Variants in PCLO observed in about 807,000 individuals in gnomAD.
PCLO encodes protein piccolo.
In PCLO, 82 loss-of-function variants were observed where a neutral mutation model predicts 427.5. The ratio of observed to expected loss-of-function variants is 0.19; its 90% CI spans 0.16 to 0.23. The LOEUF (loss-of-function observed/expected upper bound fraction) is 0.23, where lower values mean the gene tolerates loss of function less well. Ranked by LOEUF, PCLO falls within the 10% of genes least tolerant of loss-of-function variation. The pLI, the probability that PCLO is intolerant of heterozygous loss-of-function variation, is 1.00. For missense variants in PCLO, 6,239 were observed against 6,115.9 expected (o/e 1.02, Z -0.67); for synonymous variants, 2,357 against 2,155.4 (o/e 1.09, Z -2.59).
At chr7:83,032,658 C>T (rs1391751429) in intron 3 of PCLO, among the ~76,000 whole-genome samples, 1 of 151,990 alleles carries the variant, frequency 6.6e-6, no homozygotes. Flanking sequence ...TTTTGATTAC[C>T]ATGCCCACAA....
At chr7:82,958,871 T>A (rs1260934644) in intron 4 of PCLO, among the ~76,000 whole-genome samples, 2 of 152,128 alleles carry the variant, frequency 1.3e-5, no homozygotes, top group Non-Finnish European at 2.9e-5. Context: ...CCAGAGCACA[T>A]TTTTTGGAAT....
chr7:82,950,778 C>T lies in PCLO; in HGVS notation c.9810G>A (p.Gln3270=), dbSNP rs1402089564. Residue 3270 remains glutamine (Q), a synonymous_variant, in exon 6 of 25, where the codon CAG becomes CAA. Transcript: ENST00000333891. ...ACTGGGCTTGCCGCTCTTCTTCTTG[C>T]TGAAAGAGAAGGTGTTGCTTCATAG... is the stretch of plus-strand genomic sequence containing the variant. ...LQSMKQHLLF[Q]QEEERQAQFM... The T allele has an allele frequency of 1.2e-6, 2 of 1,613,792 alleles. No individual in the cohort carries two copies. Among genetic ancestry groups the T allele is most frequent in the East Asian group, 4.5e-5 (2 of 44,844 alleles).
chr7:82,948,972 G>T (rs1795266763), intron 6 of PCLO, among the ~76,000 whole-genome samples: 2 of 152,022 alleles, frequency 1.3e-5, no homozygotes, highest in Admixed American at 1.3e-4. Flanking sequence ...AAACATTCTG[G>T]CTGGAAGAAG....
intron 12 of PCLO, 132 bp downstream of exon 12, chr7:82,846,434 AT>A: frequency 1.6e-6 from 1 of 624,874 alleles, no homozygotes; most frequent in Admixed American, 3.4e-5. Flanking sequence ...ACATAAAAAA[AT>A]CTATCCATAA....
At chr7:82,960,701 T>C (rs750616907) in intron 4 of PCLO, among the ~76,000 whole-genome samples, 4 of 152,098 alleles carry the variant, frequency 2.6e-5, no homozygotes, top group Admixed American at 6.6e-5. Flanking sequence ...TTTTGAAAGA[T>C]AGGAATGAAT....
At position 83,130,130 on chromosome 7, in the gene PCLO, T is replaced by TTTG. The variant is rs57722657; in HGVS notation, c.3300+4117_3300+4119dup. On this transcript the variant is annotated intron_variant, in intron 3 of 24. Coordinates refer to ENST00000333891, the MANE Select transcript of PCLO (RefSeq NM_033026.6). ...AATTAATGTAGATGTCCATTATGTT[T>TTTG]TTGTTGTTGTTGTTGTTGTTGTTGT... 7.9e-3 allele frequency among the ~76,000 whole-genome samples: 1,190 copies of TTTG among 151,322 alleles called. 15 individuals are homozygous for TTTG. Among genetic ancestry groups the TTTG allele is most frequent in the African/African-American group, 0.025 (1,039 of 41,318 alleles).
At chr7:82,803,219 A>T (rs1791394761) in intron 21 of PCLO, among the ~76,000 whole-genome samples, 1 of 152,124 alleles carries the variant, frequency 6.6e-6, no homozygotes, top group Admixed American at 6.5e-5. Context: ...TACTTTTATC[A>T]GTACGCTACA....
chr7:82,895,210 T>C (rs1450904126), intron 9 of PCLO, among the ~76,000 whole-genome samples: 2 of 151,834 alleles, frequency 1.3e-5, no homozygotes, highest in Non-Finnish European at 2.9e-5. Flanking sequence ...CATTAGGGAA[T>C]GTAAAAACAT....
chr7:83,072,373 T>G (rs551296831), intron 3 of PCLO, among the ~76,000 whole-genome samples: 1 of 152,236 alleles, frequency 6.6e-6, no homozygotes, highest in Non-Finnish European at 1.5e-5. Context: ...CCTTTTTTAT[T>G]TAAAAAATAA....
chr7:83,018,595 T>C (rs1241584019), intron 3 of PCLO, among the ~76,000 whole-genome samples: 1 of 152,012 alleles, frequency 6.6e-6, no homozygotes, highest in Admixed American at 6.6e-5. Flanking sequence ...TATATTAAAA[T>C]CATTATAAAC....
chr7:82,983,071 A>G (rs1442019670), intron 3 of PCLO, among the ~76,000 whole-genome samples: 1 of 151,764 alleles, frequency 6.6e-6, no homozygotes, highest in African/African-American at 2.4e-5. Flanking sequence ...AGCAGTCTAT[A>G]AATTTAAGAT....
rs375126833 is a variant in PCLO, at chr7:83,052,642, G to A, written c.3300+81608C>T. Among the ~76,000 whole-genome samples the A allele has an allele frequency of 3.3e-5, 5 of 152,072 alleles. No individual in the cohort carries two copies. In the South Asian group the frequency reaches 8.3e-4, roughly 25 times the overall value. On this transcript the variant is annotated intron_variant, in intron 3 of 24. Coordinates refer to ENST00000333891, the MANE Select transcript of PCLO (RefSeq NM_033026.6). ...AATCAAAAATCAACAAGCCCCCAAA[G>A]TAAATTATCTTTACTCCTCTGCTTT...
intron 3 of PCLO, among the ~76,000 whole-genome samples, chr7:82,997,589 A>G (rs941665559): frequency 4.6e-5 from 7 of 151,942 alleles, no homozygotes; most frequent in African/African-American, 1.7e-4. Flanking sequence ...TTGCATAAAC[A>G]AAAATTTTCA....
chr7:82,966,568 G>T, intron 3 of PCLO, 81 bp from the exon 4 acceptor site: 1 of 857,150 alleles, frequency 1.2e-6, no homozygotes, highest in Non-Finnish European at 1.7e-6. Context: ...GTGAAAATTT[G>T]GCAATTCCTA....
chr7:83,131,160 A>G (rs555434642), intron 3 of PCLO, among the ~76,000 whole-genome samples: 59 of 152,302 alleles, frequency 3.9e-4, no homozygotes, highest in Non-Finnish European at 6.6e-4. Context: ...ACTCTTTCCA[A>G]TACAAGGTAT....
intron 22 of PCLO, among the ~76,000 whole-genome samples, chr7:82,771,551 C>T (rs1283778197): frequency 1.3e-5 from 2 of 152,104 alleles, no homozygotes; most frequent in East Asian, 1.9e-4. Context: ...ATGTAAACTT[C>T]TGTCATTATA....
At chr7:82,961,421 TG>T (rs1795653370) in intron 4 of PCLO, among the ~76,000 whole-genome samples, 1 of 152,144 alleles carries the variant, frequency 6.6e-6, no homozygotes, top group Non-Finnish European at 1.5e-5. Flanking sequence ...TTTCTCCCCA[TG>T]GGGAATGTTA....
rs1466821917 is a variant in PCLO at position 83,134,305 on chromosome 7, C to T, written c.3245G>A (p.Cys1082Tyr). The change falls in exon 3 of 25, where the codon TGC becomes TAC. Residue 1082 changes from cysteine (C) to tyrosine (Y), a missense_variant. Physicochemically the swap from Cys to Tyr is radical, Grantham distance 194. Around this residue, in one of 5 missense-constraint regions of PCLO, gnomAD observed 4,677 missense variants for 4,468.4 expected, o/e 1.05. Transcript: ENST00000333891. The stretch of plus-strand genomic sequence containing the variant: ...ACAGAGATTACACACTTGATTCTTG[C>T]ATTCAGTGCAAGTATTGAAGTTAGG... ...DPPNFNTCTE[C>Y]KNQVCNLCGF... 6.3e-7 allele frequency: 1 copy of T among 1,593,348 alleles called. No homozygotes were observed. Among genetic ancestry groups the T allele is most frequent in the Admixed American group, 1.8e-5 (1 of 55,874 alleles).
intron 3 of PCLO, among the ~76,000 whole-genome samples, chr7:82,980,699 G>C (rs1221606278): frequency 6.6e-6 from 1 of 152,114 alleles, no homozygotes; most frequent in Non-Finnish European, 1.5e-5. Flanking sequence ...CAGATGCACT[G>C]TGGAGGTTAC....
Sources: gnomAD v4.1 joint callset for allele counts (sites outside exome capture counted in the v4.1 genomes callset) on GRCh38, gnomAD v4.1.1 for gene constraint, gnomAD v4.1.1 regional missense constraint, MANE v1.5 for transcripts, NCBI Gene and HGNC (gene_info 2026-07-23, HGNC 2026-07-21) for gene names.